Variants in SATB1 observed in about 807,000 individuals in gnomAD.
The protein encoded by SATB1 is SATB homeobox 1, also known as DNA-binding protein SATB1.
Under a neutral mutation model 86.9 loss-of-function variants are expected in SATB1, and 11 were observed. The observed-to-expected ratio is 0.13, with a 90% CI of 0.08 to 0.21. SATB1 has a LOEUF of 0.21. Among genes scored for constraint, SATB1 ranks in the 10% least tolerant of loss-of-function variants. The pLI, the probability that SATB1 is intolerant of heterozygous loss-of-function variation, is 1.00. For synonymous variants in SATB1, 357 were observed against 357.2 expected (o/e 1.00, Z 0.01); for missense variants, 551 against 937.6 (o/e 0.59, Z 5.39).
upstream of SATB1, among the ~76,000 whole-genome samples, chr3:18,442,338 T>C (rs895492354): frequency 1.8e-4 from 27 of 152,206 alleles, no homozygotes; most frequent in Non-Finnish European, 3.2e-4. Flanking sequence ...TGTAGCATTA[T>C]CCAAATTTGA....
rs891547960 is a variant in SATB1 at position 18,346,447 on chromosome 3, G to A, written c.*2723C>T. 1 of 152,128 alleles carries A rather than the reference G, an allele frequency of 6.6e-6. No individual in the cohort carries two copies. Among genetic ancestry groups the A allele is most frequent in the African/African-American group, 2.4e-5 (1 of 41,444 alleles). The allele number at this position is 152,128 out of a possible 1,614,324, so 9.4% of individuals were successfully genotyped here. A position where few individuals can be genotyped will look rare whatever the true frequency, so the allele number is the denominator to read the frequency against. ...CCATAGCCACAGGTAACAAGAGGAG[G>A]ATTGGCATGAGCGATAAATGACATT... On this transcript the variant is annotated 3_prime_UTR_variant, in exon 11 of 11. Transcript: ENST00000338745.
chr3:18,396,241 AAG>A (rs1238990041), intron 6 of SATB1, among the ~76,000 whole-genome samples: 2 of 152,214 alleles, frequency 1.3e-5, no homozygotes, highest in Admixed American at 6.5e-5. Context: ...TTCAAATATT[AAG>A]AGCTAAAACT....
At chr3:18,397,400 A>C (rs1697019194) in intron 5 of SATB1, 110 bp from the exon 6 acceptor site, 2 of 681,530 alleles carry the variant, frequency 2.9e-6, no homozygotes, top group South Asian at 3.5e-5. Flanking sequence ...GAGTACCAAT[A>C]CATTTTGGTT....
Position 18,415,177 on chromosome 3 carries a change from A to T in SATB1, c.573T>A (p.Asn191Lys). The change falls in exon 5 of 11, where the codon AAT (asparagine) becomes AAA (lysine). Residue 191 changes from asparagine (N) to lysine (K), a missense_variant. Asn to Lys is a moderately conservative substitution (Grantham distance 94). Transcript: ENST00000338745. ...PEQWSHTTVR[N>K]ALKDLLKDMN... ...TATCTTTCAGTAAGTCCTTCAGAGCATTCCTCACTGTGGTGTGCGACCATT... is the reference window on the plus strand; with the variant it reads ...TATCTTTCAGTAAGTCCTTCAGAGCTTTCCTCACTGTGGTGTGCGACCATT... 1 of 1,613,118 alleles carries T rather than the reference A, an allele frequency of 6.2e-7. No individual in the cohort carries two copies. Among genetic ancestry groups the T allele is most frequent in the Non-Finnish European group, 8.5e-7 (1 of 1,179,298 alleles).
In SATB1 at chr3:18,365,196, CAG is replaced by C. The variant is rs148877565; in HGVS notation, c.1575+12972_1575+12973del. ...TGTTTTCCTGGTCCTGTTACAAACA[CAG>C]AGATTGGGCTTACAATTTCTGAATA... On this transcript the variant is annotated intron_variant, in intron 9 of 10. Coordinates refer to ENST00000338745, the MANE Select transcript of SATB1 (RefSeq NM_002971.6). 2.0e-4 allele frequency among the ~76,000 whole-genome samples: 30 copies of C among 152,278 alleles called. No individual in the cohort carries two copies. The East Asian group carries it at 5.2e-3, about 26-fold the overall frequency.
In SATB1 at chr3:18,346,888, T is replaced by G. The variant is rs1243759605; in HGVS notation, c.*2282A>C. On this transcript the variant is annotated 3_prime_UTR_variant, in exon 11 of 11. Coordinates refer to ENST00000338745, the MANE Select transcript of SATB1 (RefSeq NM_002971.6). Reference sequence around the variant, plus strand: ...ATTTTTTAAATACATGAAACCTAGTTTCTATTTTCTTAATTCAAATTCCTT... The same window carrying G: ...ATTTTTTAAATACATGAAACCTAGTGTCTATTTTCTTAATTCAAATTCCTT... 1 of 152,154 alleles carries G rather than the reference T, an allele frequency of 6.6e-6. No homozygotes were observed. Among genetic ancestry groups the G allele is most frequent in the Non-Finnish European group, 1.5e-5 (1 of 68,020 alleles). The allele number at this position is 152,154 out of a possible 1,614,324, so 9.4% of individuals were successfully genotyped here.
chr3:18,350,069 G>T, intron 10 of SATB1: 1 of 193,800 alleles, frequency 5.2e-6, no homozygotes, highest in Non-Finnish European at 1.0e-5. Context: ...GGAGAGGAAA[G>T]GATTTCAAAG....
At chr3:18,428,872 T>C (rs1698799182), upstream of SATB1, among the ~76,000 whole-genome samples, 1 of 152,354 alleles carries the variant, frequency 6.6e-6, no homozygotes, top group East Asian at 1.9e-4. Flanking sequence ...GAGTTCTGAA[T>C]AGCACATACA....
chr3:18,394,407 C>A lies in SATB1; in HGVS notation c.1206+55G>T. 4 of 1,457,062 alleles carry A rather than the reference C, an allele frequency of 2.7e-6. No homozygotes were observed. The South Asian group carries it at 3.5e-5, about 13-fold the overall frequency. 90.3% of individuals were successfully genotyped at this position (1,457,062 alleles called of 1,614,324 possible). On this transcript the variant is annotated intron_variant, in intron 7 of 10. Transcript: ENST00000338745. The surrounding 1 kb of genome is among the most constrained non-coding windows in gnomAD (Gnocchi z 5.9). ...GAATAAACTTTAGTTATAGATGGGA[C>A]TAAAGAAAGAGAAAATAGGAGACAG...
intron 9 of SATB1, among the ~76,000 whole-genome samples, chr3:18,372,902 A>G (rs368088611): frequency 2.0e-5 from 3 of 152,222 alleles, no homozygotes; most frequent in Non-Finnish European, 4.4e-5. Flanking sequence ...GATGAACTCC[A>G]CATCCTTCTT....
rs1269980601 is a variant in SATB1, at chr3:18,347,545, A to C, written c.*1625T>G. On this transcript the variant is annotated 3_prime_UTR_variant, in exon 11 of 11. Transcript: ENST00000338745. ...AGAAGGTCCATTTTTTCCCCTACTT[A>C]TTTTGTTACTATTAATGGCCTTTAG... 1 of 151,840 alleles carries C rather than the reference A, an allele frequency of 6.6e-6. No individual in the cohort carries two copies. The highest frequency in any genetic ancestry group is 2.4e-5 in the African/African-American group (1 of 41,338). The allele number at this position is 151,840 out of a possible 1,614,324, so 9.4% of individuals were successfully genotyped here.
chr3:18,401,574 A>G (rs1379256640), intron 5 of SATB1, among the ~76,000 whole-genome samples: 2 of 152,080 alleles, frequency 1.3e-5, no homozygotes, highest in African/African-American at 4.8e-5. Context: ...TAAAACATCA[A>G]TGTTCACAGA....
rs1694446509 is a variant in SATB1 at position 18,352,953 on chromosome 3, G to A, written c.1576-758C>T. ...CCAAGGCCCAGTTTTTTTACCCTGA[G>A]GTTATCTATCAAGAACTGAATGATC... On this transcript the variant is annotated intron_variant, in intron 9 of 10. Transcript: ENST00000338745. The surrounding 1 kb of genome is among the most constrained non-coding windows in gnomAD (Gnocchi z 4.1). 2 of 152,172 alleles carry A rather than the reference G, an allele frequency of 1.3e-5. No individual in the cohort carries two copies. Among genetic ancestry groups the A allele is most frequent in the South Asian group, 4.2e-4 (2 of 4,818 alleles). The allele number at this position is 152,172 out of a possible 1,614,324, so 9.4% of individuals were successfully genotyped here.
chr3:18,442,282 A>T (rs887961979), upstream of SATB1, among the ~76,000 whole-genome samples: 1 of 152,166 alleles, frequency 6.6e-6, no homozygotes, highest in African/African-American at 2.4e-5. Context: ...TTCAGAAATA[A>T]ATACAAAATT....
chr3:18,411,446 T>G (rs1447999333), intron 5 of SATB1, among the ~76,000 whole-genome samples: 1 of 152,118 alleles, frequency 6.6e-6, no homozygotes. Context: ...GAATCTACCC[T>G]GTATCAGAAT....
chr3:18,371,218 G>A (rs959454008), intron 9 of SATB1, among the ~76,000 whole-genome samples: 2 of 152,090 alleles, frequency 1.3e-5, no homozygotes, highest in Non-Finnish European at 2.9e-5. Context: ...AATCAAAGGA[G>A]AATAGATTTT....
At position 18,394,905 on chromosome 3, in the gene SATB1, T is replaced by C. The variant is rs1214365886; in HGVS notation, c.763A>G (p.Ser255Gly). The C allele has an allele frequency of 6.3e-6, 10 of 1,588,138 alleles. No individual in the cohort carries two copies. The highest frequency in any genetic ancestry group is 3.4e-5 in the South Asian group (3 of 89,250). Reference protein sequence around the residue: ...KTKDMMVEMDSLSELSQQGAN... With the variant: ...KTKDMMVEMDGLSELSQQGAN... ...CCTTGCTGGGATAGCTCAGAAAGAC[T>C]ATCCATTTCAACTAAAGTGGACAAA... The change falls in exon 7 of 11, where the codon AGT becomes GGT. Residue 255 changes from serine to glycine, a missense_variant. Ser to Gly is a moderately conservative substitution (Grantham distance 56, BLOSUM62 0). Transcript: ENST00000338745. This position sits in a 1 kb window ranked among gnomAD's most constrained non-coding sequence, Gnocchi z 5.9.
intron 9 of SATB1, among the ~76,000 whole-genome samples, chr3:18,369,911 C>G (rs927932028): frequency 2.0e-5 from 3 of 152,138 alleles, no homozygotes; most frequent in African/African-American, 4.8e-5. Context: ...CCCTGGCCAG[C>G]GCCGGTTGTG....
intron 9 of SATB1, among the ~76,000 whole-genome samples, chr3:18,374,431 A>G (rs1461026671): frequency 6.6e-6 from 1 of 152,224 alleles, no homozygotes; most frequent in Non-Finnish European, 1.5e-5. Context: ...TGTTTGATAA[A>G]ATTCCAATAT....
Sources: gnomAD v4.1 joint callset for allele counts (sites outside exome capture counted in the v4.1 genomes callset) on GRCh38, gnomAD v4.1.1 for gene constraint, Gnocchi (gnomAD v3.1) non-coding constraint, MANE v1.5 for transcripts, NCBI Gene and HGNC (gene_info 2026-07-23, HGNC 2026-07-21) for gene names.